SDCCAG8: variants seen among roughly 807,000 people sequenced by gnomAD.
SDCCAG8 encodes SHH signaling and ciliogenesis regulator SDCCAG8.
In SDCCAG8, 74 loss-of-function variants were observed where a neutral mutation model predicts 101.8. The observed-to-expected ratio is 0.73, with a 90% confidence interval of 0.60 to 0.88. The LOEUF is 0.88. Ranked by LOEUF, SDCCAG8 falls within the 40% of genes least tolerant of loss-of-function variation. The pLI is 0.00. For missense variants in SDCCAG8, 787 were observed against 822.6 expected, an observed-to-expected ratio of 0.96 and a Z score of 0.53; for synonymous variants, 281 against 292.9, an observed-to-expected ratio of 0.96 and a Z score of 0.41.
intron 16 of SDCCAG8, among the ~76,000 whole-genome samples, chr1:243,434,687 C>T (rs1281936788): frequency 6.6e-6 from 1 of 152,130 alleles, no homozygotes; most frequent in Admixed American, 6.5e-5. Context: ...TTGTAATGAG[C>T]CAGTTGTATG....
rs1367234572 is a variant in SDCCAG8, at chr1:243,489,103, A to G, written c.2075A>G (p.Gln692Arg). Residue 692 changes from glutamine (Q) to arginine (R), a missense_variant, in exon 17 of 18, where the codon CAG becomes CGG. Transcript: ENST00000366541. ...SKQNQLLLERQSLSEEVDRLR... is the reference protein window; with the variant it reads ...SKQNQLLLERRSLSEEVDRLR... ...CAGAACCAGCTTCTCCTGGAGAGGC[A>G]GAGCCTGTCGGAAGAGGTGGACCGG... The G allele has an allele frequency of 1.2e-6, 2 of 1,613,092 alleles. No homozygotes were observed. Among genetic ancestry groups the G allele is most frequent in the Non-Finnish European group, 8.5e-7 (1 of 1,180,012 alleles).
intron 16 of SDCCAG8, among the ~76,000 whole-genome samples, chr1:243,446,294 A>G (rs1359069033): frequency 2.0e-5 from 3 of 152,118 alleles, no homozygotes; most frequent in African/African-American, 7.2e-5. Flanking sequence ...ACAGGGTCTC[A>G]CTGTCTTTCT....
chr1:243,335,328 A>C (rs2074924357), intron 10 of SDCCAG8, among the ~76,000 whole-genome samples: 2 of 152,204 alleles, frequency 1.3e-5, no homozygotes, highest in African/African-American at 4.8e-5. Context: ...AGGGAGATGA[A>C]GTTGCGAATT....
At chr1:243,399,926 G>T (rs946910732) in intron 13 of SDCCAG8, among the ~76,000 whole-genome samples, 2 of 152,170 alleles carry the variant, frequency 1.3e-5, no homozygotes, top group African/African-American at 4.8e-5. Context: ...GGTAGATTCT[G>T]CCATAAGCCC....
Position 243,270,995 on chromosome 1 carries a change from T to G in SDCCAG8, c.238T>G (p.Leu80Val), listed in dbSNP as rs1384864639. ...QSHAVNQLKDLLRQQADKESE... is the reference protein window; with the variant it reads ...QSHAVNQLKDVLRQQADKESE... ...CTCTATAGTTAATCAGCTCAAAGAT[T>G]TGTTGCGCCAACAAGCAGATAAGGA... The change falls in exon 3 of 18, where the codon TTG (leucine) becomes GTG (valine). Residue 80 changes from leucine to valine, a missense_variant. Coordinates refer to ENST00000366541, the MANE Select transcript of SDCCAG8 (RefSeq NM_006642.5). 1 of 1,613,320 alleles carries G rather than the reference T, an allele frequency of 6.2e-7. No individual in the cohort carries two copies. The highest frequency in any genetic ancestry group is 8.5e-7 in the Non-Finnish European group (1 of 1,179,550).
intron 12 of SDCCAG8, among the ~76,000 whole-genome samples, chr1:243,356,426 G>GT (rs934062492): frequency 6.8e-6 from 1 of 147,996 alleles, no homozygotes; most frequent in Non-Finnish European, 1.5e-5. Context: ...GTGGCGGGGG[G>GT]GTGGTGGGGG....
intron 4 of SDCCAG8, among the ~76,000 whole-genome samples, chr1:243,275,741 C>T (rs1343159868): frequency 6.7e-6 from 1 of 149,680 alleles, no homozygotes; most frequent in East Asian, 2.0e-4. Context: ...CATTAGAGAA[C>T]ATAGTATAGG....
chr1:243,262,781 G>A (rs2067291979), intron 1 of SDCCAG8, among the ~76,000 whole-genome samples: 2 of 152,180 alleles, frequency 1.3e-5, no homozygotes, highest in Admixed American at 6.5e-5. Flanking sequence ...TTTACTTGAT[G>A]ATAACTCTTC....
intron 9 of SDCCAG8, among the ~76,000 whole-genome samples, chr1:243,327,413 AT>A (rs1221922606): frequency 9.4e-6 from 1 of 106,378 alleles, no homozygotes; most frequent in Non-Finnish European, 2.2e-5. Flanking sequence ...GAAATTTATA[AT>A]TTTATAGAAG....
chr1:243,487,053 C>T (rs1665067705), intron 16 of SDCCAG8, among the ~76,000 whole-genome samples: 1 of 152,190 alleles, frequency 6.6e-6, no homozygotes, highest in South Asian at 2.1e-4. Flanking sequence ...AATTTAAATA[C>T]GGAAGCATCA....
Position 243,363,211 on chromosome 1 carries a change from T to C in SDCCAG8, c.1474-15510T>C, listed in dbSNP as rs190257875. On this transcript the variant is annotated intron_variant, in intron 12 of 17. Coordinates refer to ENST00000366541, the MANE Select transcript of SDCCAG8 (RefSeq NM_006642.5). ...CTGTCTTCCATGTGATTTGTTCTAA[T>C]TGATGTTTAAGAACCAGATCATGTT... Among the ~76,000 whole-genome samples, 163 of 152,356 alleles carry C rather than the reference T, an allele frequency of 1.1e-3. 1 individual carries two copies. The highest frequency in any genetic ancestry group is 3.8e-3 in the African/African-American group (157 of 41,586).
intron 16 of SDCCAG8, among the ~76,000 whole-genome samples, chr1:243,483,506 T>C (rs1664190384): frequency 6.6e-6 from 1 of 152,218 alleles, no homozygotes; most frequent in African/African-American, 2.4e-5. Flanking sequence ...GCCGTGAAGA[T>C]TGCCCCTCTC....
intron 8 of SDCCAG8, among the ~76,000 whole-genome samples, chr1:243,312,182 C>G (rs913523532): frequency 1.3e-5 from 2 of 152,162 alleles, no homozygotes; most frequent in African/African-American, 4.8e-5. Flanking sequence ...TGAAGAGTGT[C>G]CAGCACCTTT....
chr1:243,271,614 C>G (rs889706250), intron 3 of SDCCAG8, among the ~76,000 whole-genome samples: 1 of 151,934 alleles, frequency 6.6e-6, no homozygotes, highest in African/African-American at 2.4e-5. Flanking sequence ...ATGATCTCGC[C>G]TCACTACAAC....
rs147992570 is a variant in SDCCAG8, at chr1:243,402,658, C to T, written c.1617-13044C>T. Reference sequence around the variant, plus strand: ...CGTGGCCAGTGGCTGCCACTCCAGACGTCACAGCCCTAGACGTTTGTTACT... The same window carrying T: ...CGTGGCCAGTGGCTGCCACTCCAGATGTCACAGCCCTAGACGTTTGTTACT... On this transcript the variant is annotated intron_variant, in intron 13 of 17. Transcript: ENST00000366541. 5.0e-4 allele frequency among the ~76,000 whole-genome samples: 76 copies of T among 152,298 alleles called. 1 individual carries two copies. Among genetic ancestry groups the T allele is most frequent in the African/African-American group, 1.7e-3 (71 of 41,574 alleles).
chr1:243,282,023 G>T (rs113280002), intron 4 of SDCCAG8, among the ~76,000 whole-genome samples: 1 of 151,820 alleles, frequency 6.6e-6, no homozygotes, highest in Non-Finnish European at 1.5e-5. Context: ...TCTCTCAGTC[G>T]CCCAGGCTGT....
chr1:243,304,675 CAT>C (rs1558264374), intron 6 of SDCCAG8, 36 bp from the exon 7 acceptor site: 2 of 1,100,240 alleles, frequency 1.8e-6, no homozygotes, highest in South Asian at 2.5e-5. Context: ...AAATACAGGA[CAT>C]AGAGAAAAAT....
chr1:243,306,245 T>TA (rs1474699355), intron 7 of SDCCAG8: 1 of 152,142 alleles, frequency 6.6e-6, no homozygotes, highest in Non-Finnish European at 1.5e-5. Flanking sequence ...TGTTAACATT[T>TA]AAAAAATACT....
At chr1:243,316,243 G>A (rs2073220553) in intron 8 of SDCCAG8, among the ~76,000 whole-genome samples, 1 of 152,200 alleles carries the variant, frequency 6.6e-6, no homozygotes, top group Non-Finnish European at 1.5e-5. Flanking sequence ...GTGTTCATAA[G>A]TAACTGAAAG....
Sources: allele counts gnomAD v4.1 joint callset (sites outside exome capture counted in the v4.1 genomes callset), GRCh38; gene constraint gnomAD v4.1.1; transcripts MANE v1.5; gene names NCBI Gene and HGNC (gene_info 2026-07-23, HGNC 2026-07-21).